The following UST variants were observed in gnomAD, a reference collection of about 807,000 sequenced individuals.
UST encodes chondroitin sulfate 2-O-sulfotransferase.
Under a neutral mutation model 45.6 loss-of-function variants are expected in UST, and 21 were observed. The ratio of observed to expected loss-of-function variants is 0.46; its 90% CI spans 0.33 to 0.66. UST has a LOEUF of 0.66. Ranked by LOEUF, UST falls within the 30% of genes least tolerant of loss-of-function variation. UST has a pLI of 0.02. For missense variants in UST, 463 were observed against 512.4 expected (o/e 0.90, Z 0.93); for synonymous variants, 215 against 200.6 (o/e 1.07, Z -0.61).
intron 5 of UST, among the ~76,000 whole-genome samples, chr6:148,989,209 GCC>G (rs777308805): frequency 1.2e-4 from 11 of 95,406 alleles, no homozygotes; most frequent in South Asian, 1.2e-3. Context: ...TTCAGTAAAG[GCC>G]CCCCCCCACC....
intron 2 of UST, among the ~76,000 whole-genome samples, chr6:148,937,115 G>A (rs984259908): frequency 7.2e-5 from 11 of 152,144 alleles, no homozygotes; most frequent in Non-Finnish European, 7.4e-5. Context: ...GCATTACATA[G>A]GTTCTTTTAG....
chr6:149,011,273 C>T (rs144506266), intron 5 of UST, among the ~76,000 whole-genome samples: 84 of 152,108 alleles, frequency 5.5e-4, no homozygotes, highest in African/African-American at 1.9e-3. Context: ...GATAATTGAA[C>T]TCATGGAGAT....
chr6:148,988,794 G>A (rs1781290758), intron 5 of UST, among the ~76,000 whole-genome samples: 1 of 151,878 alleles, frequency 6.6e-6, no homozygotes, highest in Non-Finnish European at 1.5e-5. Flanking sequence ...TCATTTCCAA[G>A]TCCACCCTTC....
chr6:148,788,805 A>G (rs1231958947), intron 1 of UST, among the ~76,000 whole-genome samples: 1 of 152,222 alleles, frequency 6.6e-6, no homozygotes, highest in Non-Finnish European at 1.5e-5. Context: ...TCTCATCAAC[A>G]TGATGTCTGT....
At chr6:148,864,786 G>C (rs1263625397) in intron 1 of UST, among the ~76,000 whole-genome samples, 1 of 152,192 alleles carries the variant, frequency 6.6e-6, no homozygotes, top group East Asian at 1.9e-4. Flanking sequence ...ATTGTAACTT[G>C]ACAAAATAGT....
At chr6:149,023,067 A>C in intron 7 of UST, among the ~76,000 whole-genome samples, 1 of 150,576 alleles carries the variant, frequency 6.6e-6, no homozygotes. Flanking sequence ...GTTTATGTTA[A>C]TCATTTTCTC....
chr6:148,778,538 T>C (rs923784099), intron 1 of UST, among the ~76,000 whole-genome samples: 29 of 152,146 alleles, frequency 1.9e-4, no homozygotes, highest in Non-Finnish European at 3.7e-4. Context: ...CCATGGCTTG[T>C]GAATGGAGCA....
chr6:148,755,644 C>CT (rs71270312), intron 1 of UST, among the ~76,000 whole-genome samples: 22,362 of 138,380 alleles, frequency 0.16, 2,063 homozygotes, highest in Middle Eastern at 0.23. Flanking sequence ...CTGATGGTTT[C>CT]TTTTTTTTTT....
intron 1 of UST, among the ~76,000 whole-genome samples, chr6:148,870,959 G>A (rs1339603465): frequency 1.3e-5 from 2 of 152,058 alleles, no homozygotes; most frequent in African/African-American, 2.4e-5. Flanking sequence ...TGGACTCAAT[G>A]GCTGTGTCCC....
chr6:149,052,577 G>A (rs372802609), intron 7 of UST, among the ~76,000 whole-genome samples: 78 of 136,020 alleles, frequency 5.7e-4, no homozygotes, highest in East Asian at 1.6e-3. Flanking sequence ...CCCCGTGCTC[G>A]TAAGCTCTTA....
At chr6:148,753,769 C>G (rs1344120307) in intron 1 of UST, among the ~76,000 whole-genome samples, 1 of 152,194 alleles carries the variant, frequency 6.6e-6, no homozygotes, top group Non-Finnish European at 1.5e-5. Flanking sequence ...TCTACAGTGG[C>G]TGCACCATTT....
chr6:149,033,089 G>T (rs529444734), intron 7 of UST, among the ~76,000 whole-genome samples: 1 of 152,212 alleles, frequency 6.6e-6, no homozygotes, highest in African/African-American at 2.4e-5. Context: ...GACCCCAGGG[G>T]TTGATGGTTG....
intron 1 of UST, among the ~76,000 whole-genome samples, chr6:148,759,581 G>T (rs1280106517): frequency 6.6e-6 from 1 of 150,910 alleles, no homozygotes; most frequent in Non-Finnish European, 1.5e-5. Context: ...GTACGCGGTG[G>T]TTCACGCCTG....
At chr6:149,041,582 C>T (rs1776315443) in intron 7 of UST, among the ~76,000 whole-genome samples, 1 of 152,252 alleles carries the variant, frequency 6.6e-6, no homozygotes, top group Non-Finnish European at 1.5e-5. Flanking sequence ...AGATCCTTTC[C>T]ACAGTGACAC....
chr6:148,836,179 G>A (rs1777783303), intron 1 of UST, among the ~76,000 whole-genome samples: 1 of 152,178 alleles, frequency 6.6e-6, no homozygotes, highest in South Asian at 2.1e-4. Flanking sequence ...TCTCAGTTAA[G>A]CCCTGCAGCT....
At chr6:149,006,485 C>T (rs1775697652) in intron 5 of UST, among the ~76,000 whole-genome samples, 1 of 152,104 alleles carries the variant, frequency 6.6e-6, no homozygotes. Context: ...TTTTCTTTAT[C>T]CAGTCTATCA....
At chr6:148,814,082 A>G (rs1418826876) in intron 1 of UST, among the ~76,000 whole-genome samples, 1 of 152,168 alleles carries the variant, frequency 6.6e-6, no homozygotes, top group Non-Finnish European at 1.5e-5. Context: ...AGCACCTTCC[A>G]TGTTATGGGC....
intron 5 of UST, among the ~76,000 whole-genome samples, chr6:148,980,468 C>T (rs58179847): frequency 0.05 from 7,634 of 152,146 alleles, 623 homozygotes; most frequent in African/African-American, 0.18. Flanking sequence ...CAAAGCAGCA[C>T]TTCACATCAT....
chr6:148,973,335 T>C lies in UST; in HGVS notation c.681+8772T>C, dbSNP rs564116732. On this transcript the variant is annotated intron_variant, in intron 5 of 7. Coordinates refer to ENST00000367463, the MANE Select transcript of UST (RefSeq NM_005715.3). Reference sequence around the variant, plus strand: ...CAGTAAAACAGAATGAGCACTTTGATGAATAAAATATTTTAGCATCTGGAC... The same window carrying C: ...CAGTAAAACAGAATGAGCACTTTGACGAATAAAATATTTTAGCATCTGGAC... Among the ~76,000 whole-genome samples, 7 of 152,346 alleles carry C rather than the reference T, an allele frequency of 4.6e-5. 1 individual carries two copies. In the South Asian group the frequency reaches 1.5e-3, roughly 32 times the overall value.
Sources: allele counts gnomAD v4.1 joint callset (sites outside exome capture counted in the v4.1 genomes callset), GRCh38; gene constraint gnomAD v4.1.1; transcripts MANE v1.5; gene names NCBI Gene and HGNC (gene_info 2026-07-23, HGNC 2026-07-21).